The following FAM83A variants were observed in gnomAD, a reference collection of about 807,000 sequenced individuals.
FAM83A encodes protein FAM83A.
In FAM83A, 21 loss-of-function variants were observed where a neutral mutation model predicts 24.4. That is an observed-to-expected ratio of 0.86 (90% CI 0.61 to 1.24). FAM83A has a LOEUF of 1.24. FAM83A is among the 50% of genes most tolerant of loss of function. FAM83A has a pLI of 0.00. For synonymous variants in FAM83A, 270 were observed against 252.4 expected (o/e 1.07, Z -0.66); for missense variants, 617 against 579.8 (o/e 1.06, Z -0.66).
chr8:123,207,317 G>A (rs1448703358), exon 4 of FAM83A: 1 of 1,611,746 alleles, frequency 6.2e-7, no homozygotes, highest in East Asian at 2.2e-5. Flanking sequence ...CCCGCCCGGA[G>A]CAGCCCCGGC....
chr8:123,181,767 C>T (rs1216278344), upstream of FAM83A: 2 of 308,062 alleles, frequency 6.5e-6, no homozygotes, highest in South Asian at 2.9e-5. Context: ...TGCTCCTCAA[C>T]TTCACCTGGC....
chr8:123,193,943 A>T lies in FAM83A; in HGVS notation c.649-81A>T, dbSNP rs189511259. On this transcript the variant is annotated intron_variant, in intron 2 of 3. Transcript: ENST00000690554. Reference sequence around the variant, plus strand: ...TTCAACACAGAATGGGGGTAAAGGGAACATAAACATCCAGCCTAAAGCCCA... The same window carrying T: ...TTCAACACAGAATGGGGGTAAAGGGTACATAAACATCCAGCCTAAAGCCCA... 101 of 1,555,378 alleles carry T rather than the reference A, an allele frequency of 6.5e-5. No individual in the cohort carries two copies. In the African/African-American group the frequency reaches 1.1e-3, roughly 17 times the overall value.
chr8:123,202,507 T>C (rs1017751198), intron 3 of FAM83A: 3 of 152,880 alleles, frequency 2.0e-5, no homozygotes, highest in Non-Finnish European at 2.9e-5. Flanking sequence ...TAGCCGAGAT[T>C]GTAAATGACA....
chr8:123,194,054 A>G, exon 3 of FAM83A: 1 of 1,614,216 alleles, frequency 6.2e-7, no homozygotes, highest in South Asian at 1.1e-5. Context: ...GGAAGGAGAG[A>G]TATACTGTGC....
chr8:123,207,964 C>T (rs1824621878), exon 4 of FAM83A: 1 of 1,219,034 alleles, frequency 8.2e-7, no homozygotes, highest in Non-Finnish European at 1.0e-6. Context: ...AAACAGAGTC[C>T]CTGTCTTCCA....
chr8:123,187,799 A>G (rs1823855230), intron 1 of FAM83A, among the ~76,000 whole-genome samples: 1 of 152,058 alleles, frequency 6.6e-6, no homozygotes, highest in South Asian at 2.1e-4. Flanking sequence ...AGGCAGGATG[A>G]TGTTCCTGGC....
At position 123,209,529 on chromosome 8, in the gene FAM83A, C is replaced by T. The variant is rs776172249; in HGVS notation, c.*1841C>T. ...CCTGACCTTGTTGTTTCACAGCTGA[C>T]GGCTGAGATGAGGTTAGAATGACTG... is the stretch of plus-strand genomic sequence containing the variant. On this transcript the variant is annotated 3_prime_UTR_variant, in exon 4 of 4. Coordinates refer to ENST00000690554, the Ensembl canonical transcript of FAM83A. This position sits in a 1 kb window ranked among gnomAD's most constrained non-coding sequence, Gnocchi z 4.7. 68 of 1,614,040 alleles carry T rather than the reference C, an allele frequency of 4.2e-5. No homozygotes were observed. The highest frequency in any genetic ancestry group is 9.3e-5 in the African/African-American group (7 of 74,908).
At position 123,209,690 on chromosome 8, in the gene FAM83A, C is replaced by A; in HGVS notation, c.*2002C>A. ...GCCTGTGCCTGTGTCGAGCTCAGTC[C>A]TGGGAGATAGGGGAGAACCTGCAGG... On this transcript the variant is annotated 3_prime_UTR_variant, in exon 4 of 4. Coordinates refer to ENST00000690554, the Ensembl canonical transcript of FAM83A. The surrounding 1 kb of genome is among the most constrained non-coding windows in gnomAD (Gnocchi z 4.7). 1.1e-6 allele frequency: 1 copy of A among 913,866 alleles called. No homozygotes were observed. The highest frequency in any genetic ancestry group is 1.7e-6 in the Non-Finnish European group (1 of 595,946). The allele number at this position is 913,866 out of a possible 1,614,324, so 56.6% of individuals were successfully genotyped here.
At chr8:123,206,140 A>G (rs1824546268) in intron 3 of FAM83A, among the ~76,000 whole-genome samples, 1 of 143,380 alleles carries the variant, frequency 7.0e-6, no homozygotes, top group African/African-American at 2.7e-5. Context: ...AAGACTCTCA[A>G]AAAAAAAAAA....
chr8:123,191,072 A>G (rs1054984858), intron 1 of FAM83A, among the ~76,000 whole-genome samples: 1 of 152,232 alleles, frequency 6.6e-6, no homozygotes, highest in Admixed American at 6.5e-5. Context: ...ATCCAGTCAA[A>G]GAATGGCAAT....
At chr8:123,182,137 G>A (rs574265258), upstream of FAM83A, 5 of 456,288 alleles carry the variant, frequency 1.1e-5, no homozygotes, top group African/African-American at 8.0e-5. Flanking sequence ...CCTGAGAACT[G>A]GAACCTCTGC....
intron 1 of FAM83A, among the ~76,000 whole-genome samples, chr8:123,189,558 A>G (rs1823906569): frequency 6.6e-6 from 1 of 152,250 alleles, no homozygotes; most frequent in Non-Finnish European, 1.5e-5. Context: ...CCTGCCTCCC[A>G]TTCTATTCAA....
intron 3 of FAM83A, among the ~76,000 whole-genome samples, chr8:123,205,637 C>G (rs995920704): frequency 6.6e-6 from 1 of 152,098 alleles, no homozygotes; most frequent in African/African-American, 2.4e-5. Flanking sequence ...TTGACGGGCC[C>G]GTTTCTGCTT....
At chr8:123,207,186 G>A (rs747530847) in exon 4 of FAM83A, 2 of 1,492,610 alleles carry the variant, frequency 1.3e-6, no homozygotes, top group East Asian at 2.9e-5. Context: ...CACGTGCACC[G>A]GAACATCCTC....
At chr8:123,192,332 A>G (rs905069549) in intron 2 of FAM83A, among the ~76,000 whole-genome samples, 1 of 152,172 alleles carries the variant, frequency 6.6e-6, no homozygotes, top group Non-Finnish European at 1.5e-5. Flanking sequence ...GGTGAGCAGC[A>G]TCTCTGCCAT....
intron 3 of FAM83A, among the ~76,000 whole-genome samples, chr8:123,200,970 T>A (rs181012931): frequency 0.057 from 7,753 of 136,420 alleles, 229 homozygotes; most frequent in Middle Eastern, 0.081. Flanking sequence ...AAAAAAAAAA[T>A]ATATATATAT....
chr8:123,193,208 T>G (rs546445840), intron 2 of FAM83A, among the ~76,000 whole-genome samples: 2 of 152,290 alleles, frequency 1.3e-5, no homozygotes, highest in South Asian at 4.1e-4. Context: ...CACCTTTGCT[T>G]AAGACAATAC....
chr8:123,182,819 G>T, exon 1 of FAM83A: 1 of 1,511,574 alleles, frequency 6.6e-7, no homozygotes, highest in East Asian at 2.3e-5. Flanking sequence ...AGGAGCTGAC[G>T]TGCCAGCCTC....
chr8:123,208,201 C>T (rs529471803), exon 4 of FAM83A: 1 of 986,822 alleles, frequency 1.0e-6, no homozygotes, highest in Non-Finnish European at 1.2e-6. Flanking sequence ...GTTGGGGAAA[C>T]TCCTCCTCTT....
Sources: allele counts gnomAD v4.1 joint callset (sites outside exome capture counted in the v4.1 genomes callset), GRCh38; gene constraint gnomAD v4.1.1; non-coding constraint Gnocchi (gnomAD v3.1); transcripts MANE v1.5; gene names NCBI Gene and HGNC (gene_info 2026-07-23, HGNC 2026-07-21).